The following PIR variants were observed in gnomAD, a reference collection of about 807,000 sequenced individuals.
The protein encoded by PIR is pirin.
Under a neutral mutation model 24.2 loss-of-function variants are expected in PIR, and 22 were observed. That is an observed-to-expected ratio of 0.91 (90% CI 0.65 to 1.30). The LOEUF (loss-of-function observed/expected upper bound fraction) is 1.30, where lower values mean the gene tolerates loss of function less well. PIR is among the 50% of genes most tolerant of loss of function. The pLI, the probability that PIR is intolerant of heterozygous loss-of-function variation, is 0.00. For synonymous variants in PIR, 80 were observed against 79.6 expected (o/e 1.00, Z -0.03); for missense variants, 220 against 220.3 (o/e 1.00, Z 0.01).
intron 3 of PIR, among the ~76,000 whole-genome samples, chrX:15,467,440 A>T (rs1029909500): frequency 8.9e-6 from 1 of 112,511 alleles, no homozygotes. Context: ...GGGATTTCAC[A>T]CAGGTAACAA....
Position 15,419,152 on chromosome X carries a change from A to G in PIR, c.565+6754T>C, listed in dbSNP as rs778052767. Among the ~76,000 whole-genome samples the G allele has an allele frequency of 4.5e-5, 5 of 111,529 alleles. No homozygotes were observed. In the South Asian group the frequency reaches 1.9e-3, roughly 42 times the overall value. ...AAAAAAAAGACAAATGGTGACCTTG[A>G]TTTGAATTACTTCATAATAAACTTT... On this transcript the variant is annotated intron_variant, in intron 6 of 9. Coordinates refer to ENST00000380420, the MANE Select transcript of PIR (RefSeq NM_001018109.3).
intron 5 of PIR, among the ~76,000 whole-genome samples, chrX:15,433,117 T>C (rs765346826): frequency 4.4e-5 from 5 of 112,512 alleles, no homozygotes; most frequent in Non-Finnish European, 9.4e-5. Flanking sequence ...TGAATCTACA[T>C]AGAGCTCAAA....
chrX:15,491,049 C>T (rs748229764), intron 2 of PIR, 113 bp downstream of exon 2: 2 of 505,504 alleles, frequency 4.0e-6, no homozygotes, highest in Middle Eastern at 5.7e-4. Context: ...TGCACTTATG[C>T]ACTCCACAGG....
chrX:15,414,409 C>A (rs180680973), intron 6 of PIR, among the ~76,000 whole-genome samples: 35 of 111,975 alleles, frequency 3.1e-4, no homozygotes, highest in Admixed American at 1.4e-3. Context: ...GTATTCACAA[C>A]TGATTTTTAA....
At chrX:15,440,117 A>C in intron 5 of PIR, among the ~76,000 whole-genome samples, 1 of 111,090 alleles carries the variant, frequency 9.0e-6, no homozygotes, top group East Asian at 2.8e-4. Context: ...TTCCTCCATC[A>C]TCCCCCATCT....
intron 5 of PIR, among the ~76,000 whole-genome samples, chrX:15,445,012 G>A (rs1471227514): frequency 9.1e-6 from 1 of 109,476 alleles, no homozygotes; most frequent in Non-Finnish European, 1.9e-5. Flanking sequence ...ACAGTGTCGG[G>A]TTTTCTTCCT....
chrX:15,397,019 C>T (rs903369111), intron 8 of PIR, among the ~76,000 whole-genome samples: 6 of 112,360 alleles, frequency 5.3e-5, no homozygotes, highest in African/African-American at 9.7e-5. Context: ...CGATTACAGG[C>T]GTGAGCCACC....
intron 7 of PIR, among the ~76,000 whole-genome samples, chrX:15,406,096 G>A (rs971946814): frequency 8.9e-6 from 1 of 112,112 alleles, no homozygotes; most frequent in Non-Finnish European, 1.9e-5. Context: ...GCCCCAGAAA[G>A]TGCAGTGCTG....
At chrX:15,490,659 C>T (rs940463483) in intron 2 of PIR, among the ~76,000 whole-genome samples, 1 of 103,862 alleles carries the variant, frequency 9.6e-6, no homozygotes, top group Non-Finnish European at 2.1e-5. Context: ...CCTCACCAGA[C>T]GTCTACAGAG....
At chrX:15,430,796 A>G (rs1354258964) in intron 5 of PIR, among the ~76,000 whole-genome samples, 1 of 111,842 alleles carries the variant, frequency 8.9e-6, no homozygotes, top group Non-Finnish European at 1.9e-5. Context: ...TATGTGGCTT[A>G]AAAACATCTC....
At chrX:15,484,660 T>G (rs887968445) in intron 2 of PIR, among the ~76,000 whole-genome samples, 2 of 111,475 alleles carry the variant, frequency 1.8e-5, no homozygotes, top group East Asian at 5.6e-4. Context: ...CAGATTGTTG[T>G]AGAAATATGG....
At chrX:15,442,129 G>A (rs1462146637) in intron 5 of PIR, among the ~76,000 whole-genome samples, 1 of 109,527 alleles carries the variant, frequency 9.1e-6, no homozygotes, top group Non-Finnish European at 1.9e-5. Flanking sequence ...GCAAATCTAT[G>A]GGTGTCATTT....
At chrX:15,436,357 GA>G (rs1925750368) in intron 5 of PIR, among the ~76,000 whole-genome samples, 1 of 111,922 alleles carries the variant, frequency 8.9e-6, no homozygotes, top group Non-Finnish European at 1.9e-5. Context: ...TGATGACGGG[GA>G]CTCACAGTAC....
intron 3 of PIR, among the ~76,000 whole-genome samples, chrX:15,468,689 G>T (rs1921728862): frequency 8.9e-6 from 1 of 112,212 alleles, no homozygotes; most frequent in South Asian, 3.7e-4. Context: ...TGGGCCCCAG[G>T]CCCCAGGATT....
chrX:15,397,555 T>C (rs1458544814), intron 7 of PIR, 24 bp from the exon 8 acceptor site: 14 of 1,035,162 alleles, frequency 1.4e-5, no homozygotes, highest in South Asian at 1.9e-5. Flanking sequence ...GACACACTAA[T>C]TTAATACCCA....
At chrX:15,481,578 T>C (rs1922503591) in intron 2 of PIR, among the ~76,000 whole-genome samples, 1 of 112,074 alleles carries the variant, frequency 8.9e-6, no homozygotes, top group African/African-American at 3.2e-5. Context: ...AGGTCTTACA[T>C]ATTTTTAAAA....
At chrX:15,480,114 A>G (rs1467304856) in intron 2 of PIR, among the ~76,000 whole-genome samples, 1 of 110,676 alleles carries the variant, frequency 9.0e-6, no homozygotes, top group African/African-American at 3.3e-5. Context: ...TGTTCTTGTG[A>G]CAGTGAATGG....
chrX:15,441,841 CTGGACG>C lies in PIR; in HGVS notation c.480+14001_480+14006del, dbSNP rs1383840473. Among the ~76,000 whole-genome samples the C allele has an allele frequency of 2.2e-4, 24 of 111,362 alleles. No individual in the cohort carries two copies. The Admixed American group carries it at 2.3e-3, about 11-fold the overall frequency. On this transcript the variant is annotated intron_variant, in intron 5 of 9. Transcript: ENST00000380420. ...CCTGTGACTGTAGGTACACCTCTGC[CTGGACG>C]TGGTTAATGAAGCCGGGGAAGTATT... is the stretch of plus-strand genomic sequence containing the variant.
In PIR at chrX:15,391,779, C is replaced by T. The variant is rs1056577474; in HGVS notation, c.694-1528G>A. Among the ~76,000 whole-genome samples the T allele has an allele frequency of 3.6e-5, 4 of 111,585 alleles. No homozygotes were observed. In the East Asian group the frequency reaches 8.4e-4, roughly 23 times the overall value. ...GTCCTCATCCTCCTGCATGCCATGT[C>T]CAGCTCTTCTTCCTGACTGCTAATT... On this transcript the variant is annotated intron_variant, in intron 8 of 9. Transcript: ENST00000380420.
Sources: gnomAD v4.1 joint callset for allele counts (sites outside exome capture counted in the v4.1 genomes callset) on GRCh38, gnomAD v4.1.1 for gene constraint, MANE v1.5 for transcripts, NCBI Gene and HGNC (gene_info 2026-07-23, HGNC 2026-07-21) for gene names.